Variants in ASPM observed in about 807,000 individuals in gnomAD.
The protein encoded by ASPM is abnormal spindle-like microcephaly-associated protein.
ASPM carries 256 observed loss-of-function variants against 366.4 expected under a neutral mutation model. The ratio of observed to expected loss-of-function variants is 0.70; its 90% CI spans 0.63 to 0.77. ASPM has a LOEUF of 0.77. ASPM is among the 30% of genes least tolerant of loss of function. The pLI is 0.00. For synonymous variants in ASPM, 1,414 were observed against 1,342.9 expected, an observed-to-expected ratio of 1.05 and a Z score of -1.16; for missense variants, 4,146 against 4,090.4, an observed-to-expected ratio of 1.01 and a Z score of -0.37.
intron 6 of ASPM, among the ~76,000 whole-genome samples, 155 bp from the exon 7 acceptor site, chr1:197,132,507 T>C (rs886975978): frequency 6.6e-6 from 1 of 152,086 alleles, no homozygotes; most frequent in African/African-American, 2.4e-5. Context: ...TAAATATACA[T>C]GATCATATTC....
intron 18 of ASPM, among the ~76,000 whole-genome samples, chr1:197,098,724 T>C (rs1657061458): frequency 6.6e-6 from 1 of 151,730 alleles, no homozygotes; most frequent in Non-Finnish European, 1.5e-5. Flanking sequence ...TGAATTTTGA[T>C]GTTCTTCAGG....
chr1:197,088,095 C>G, intron 26 of ASPM, 161 bp downstream of exon 26: 1 of 693,944 alleles, frequency 1.4e-6, no homozygotes. Context: ...AGAAACAACT[C>G]ATAGATACAT....
In ASPM at chr1:197,104,755, C is replaced by T. The variant is rs140119882; in HGVS notation, c.4496G>A (p.Arg1499Gln). The T allele has an allele frequency of 1.3e-5, 21 of 1,600,178 alleles. No homozygotes were observed. The African/African-American group carries it at 1.4e-4, about 10-fold the overall frequency. The change falls in exon 18 of 28, where the codon CGG becomes CAG. Residue 1499 changes from arginine to glutamine, a missense_variant. Arg to Gln is a conservative substitution (Grantham distance 43). This residue lies in a region of ASPM where 3,624 missense variants were observed against 3,591.7 expected (regional missense o/e 1.01). Coordinates refer to ENST00000367409, the MANE Select transcript of ASPM (RefSeq NM_018136.5). ...SCVVIIQKRF[R>Q]CFQAQKLYKR... is the part of the protein sequence containing the mutation. ...ATATAACTTTTGGGCTTGAAAGCAC[C>T]GAAATCTTTTCTGAATGATAACAAC...
Position 197,104,903 on chromosome 1 carries a change from G to T in ASPM, c.4348C>A (p.Gln1450Lys). ...QSQVKATVIL[Q>K]RAFREWHLRK... ...AAATGCCATTCTCTAAAAGCTCTTT[G>T]CAATATTACTGTAGCTTTTACTTGT... Residue 1450 changes from glutamine (Q) to lysine (K), a missense_variant, in exon 18 of 28, where the codon CAA becomes AAA. This residue lies in a region of ASPM where 3,624 missense variants were observed against 3,591.7 expected (regional missense o/e 1.01). Transcript: ENST00000367409. 1 of 1,610,702 alleles carries T rather than the reference G, an allele frequency of 6.2e-7. No homozygotes were observed. Among genetic ancestry groups the T allele is most frequent in the East Asian group, 2.2e-5 (1 of 44,740 alleles).
chr1:197,142,039 T>C (rs1309677781), intron 3 of ASPM, among the ~76,000 whole-genome samples: 1 of 152,158 alleles, frequency 6.6e-6, no homozygotes, highest in Non-Finnish European at 1.5e-5. Context: ...CACTTATCCA[T>C]TCATTCAATT....
At chr1:197,085,590 C>A (rs181289550) in intron 27 of ASPM, among the ~76,000 whole-genome samples, 1 of 152,174 alleles carries the variant, frequency 6.6e-6, no homozygotes, top group Admixed American at 6.5e-5. Context: ...AAATTCAAAT[C>A]CATGCATAAA....
In ASPM at chr1:197,142,500, TGCATCTTCCATGCTTCCATC is replaced by T; in HGVS notation, c.1732_1751del (p.Asp578LysfsTer26). ...GTTCTGTAATTGCAACTCTCACATT[TGCATCTTCCATGCTTCCATC>T]GCTCTTTCTTTTCCGAGCAACTGAA... On this transcript the variant is annotated frameshift_variant, in exon 3 of 28. Coordinates refer to ENST00000367409, the MANE Select transcript of ASPM (RefSeq NM_018136.5). LOFTEE classifies it high-confidence loss of function. The T allele has an allele frequency of 6.2e-7, 1 of 1,614,066 alleles. No homozygotes were observed. Among genetic ancestry groups the T allele is most frequent in the Non-Finnish European group, 8.5e-7 (1 of 1,179,900 alleles).
chr1:197,139,830 TTTTG>T lies in ASPM; in HGVS notation c.1959_1962del (p.Asn653LysfsTer14), dbSNP rs199422147. On this transcript the variant is annotated frameshift_variant, in exon 4 of 28. Coordinates refer to ENST00000367409, the MANE Select transcript of ASPM (RefSeq NM_018136.5). LOFTEE classifies it high-confidence loss of function. Reference sequence around the variant, plus strand: ...GCCACAGCGATAATGGGTTTTGTCCTTTTGTTTGTTTTAGAAATTGGAGTTCTGA... The same window carrying T: ...GCCACAGCGATAATGGGTTTTGTCCTTTTGTTTTAGAAATTGGAGTTCTGA... 3 of 1,611,822 alleles carry T rather than the reference TTTTG, an allele frequency of 1.9e-6. No individual in the cohort carries two copies. The highest frequency in any genetic ancestry group is 1.3e-5 in the African/African-American group (1 of 74,876).
intron 18 of ASPM, among the ~76,000 whole-genome samples, chr1:197,099,188 C>A (rs1344162258): frequency 6.6e-6 from 1 of 151,320 alleles, no homozygotes; most frequent in Non-Finnish European, 1.5e-5. Flanking sequence ...TAGTCTTGCT[C>A]CTTTTCCAGT....
In ASPM at chr1:197,084,177, A is replaced by C; in HGVS notation, c.*147T>G. 1.6e-6 allele frequency: 1 copy of C among 634,906 alleles called. No homozygotes were observed. The highest frequency in any genetic ancestry group is 2.7e-5 in the East Asian group (1 of 36,458). 39.3% of individuals were successfully genotyped at this position (634,906 alleles called of 1,614,324 possible). A position where few individuals can be genotyped will look rare whatever the true frequency, so the allele number is the denominator to read the frequency against. On this transcript the variant is annotated 3_prime_UTR_variant, in exon 28 of 28. Coordinates refer to ENST00000367409, the MANE Select transcript of ASPM (RefSeq NM_018136.5). ...ACATGCATAAAACTATAAATGATAA[A>C]AATGAAGAATGTAATGAACAGTTTA...
chr1:197,105,177 C>T lies in ASPM; in HGVS notation c.4074G>A (p.Trp1358Ter), dbSNP rs199422162. 3 of 1,603,180 alleles carry T rather than the reference C, an allele frequency of 1.9e-6. No individual in the cohort carries two copies. Among genetic ancestry groups the T allele is most frequent in the Non-Finnish European group, 2.6e-6 (3 of 1,171,390 alleles). The stretch of plus-strand genomic sequence containing the variant: ...ATCTTTGTCTAGTGGAATATCTTCT[C>T]CAATATCCCTGGAAAAGGTAAGAAA... The part of the protein sequence containing the change: ...NKAASLIQGY[W>*]RRYSTRQRFL... The change falls in exon 18 of 28, where the codon TGG becomes TGA. Residue 1358 changes from tryptophan to a stop codon, truncating the protein, a stop_gained. Coordinates refer to ENST00000367409, the MANE Select transcript of ASPM (RefSeq NM_018136.5). LOFTEE classifies it high-confidence loss of function.
rs143911853 is a variant in ASPM at position 197,104,114 on chromosome 1, G to T, written c.5137C>A (p.Arg1713Ser). 2 of 1,612,882 alleles carry T rather than the reference G, an allele frequency of 1.2e-6. No homozygotes were observed. Among genetic ancestry groups the T allele is most frequent in the African/African-American group, 1.3e-5 (1 of 74,920 alleles). Reference sequence around the variant, plus strand: ...TTTTGTGCAGCTATTTTTTTGGAACGGTAACATTGCTGGATAAATAGTGCA... The same window carrying T: ...TTTTGTGCAGCTATTTTTTTGGAACTGTAACATTGCTGGATAAATAGTGCA... ...AAALFIQQCY[R>S]SKKIAAQKRE... Residue 1713 changes from arginine (R) to serine (S), a missense_variant, in exon 18 of 28, where the codon CGT becomes AGT. Transcript: ENST00000367409.
In ASPM at chr1:197,104,529, T is replaced by A; in HGVS notation, c.4722A>T (p.Gln1574His). 6.2e-7 allele frequency: 1 copy of A among 1,612,764 alleles called. No homozygotes were observed. Among genetic ancestry groups the A allele is most frequent in the Non-Finnish European group, 8.5e-7 (1 of 1,179,390 alleles). ...TAAGGTTTAAAAATCGAACTCTGTC[T>A]TGTCTCATTCTCCAGTATGACTGAA... is the stretch of plus-strand genomic sequence containing the variant. Reference protein sequence around the residue: ...CVIQSYWRMRQDRVRFLNLKK... With the variant: ...CVIQSYWRMRHDRVRFLNLKK... Residue 1574 changes from glutamine to histidine, a missense_variant, in exon 18 of 28, where the codon CAA becomes CAT. Physicochemically the swap from Gln to His is conservative, Grantham distance 24. Coordinates refer to ENST00000367409, the MANE Select transcript of ASPM (RefSeq NM_018136.5).
chr1:197,093,562 A>G (rs1237007697), intron 20 of ASPM, among the ~76,000 whole-genome samples: 1 of 151,878 alleles, frequency 6.6e-6, no homozygotes, highest in Non-Finnish European at 1.5e-5. Context: ...GGACAAATAC[A>G]TTTAATAAAA....
rs587783209 is a variant in ASPM at position 197,088,308 on chromosome 1, G to C, written c.10109C>G (p.Thr3370Arg). 2.5e-6 allele frequency: 4 copies of C among 1,613,320 alleles called. No homozygotes were observed. The East Asian group carries it at 8.9e-5, about 36-fold the overall frequency. ...KVADKGGSIFTKTCCLLAILL... is the reference protein window; with the variant it reads ...KVADKGGSIFRKTCCLLAILL... ...AATAGCCAACAAACAACAAGTTTTT[G>C]TAAAAATGCTTCCGCCTTTGTCTGC... The change falls in exon 26 of 28, where the codon ACA (threonine) becomes AGA (arginine). Residue 3370 changes from threonine (T) to arginine (R), a missense_variant. Around this residue, in one of 3 missense-constraint regions of ASPM, gnomAD observed 3,624 missense variants for 3,591.7 expected, o/e 1.01. Transcript: ENST00000367409.
At position 197,125,175 on chromosome 1, in the gene ASPM, G is replaced by A. The variant is rs775416832; in HGVS notation, c.2953C>T (p.Leu985Phe). 1 of 1,614,018 alleles carries A rather than the reference G, an allele frequency of 6.2e-7. No individual in the cohort carries two copies. The highest frequency in any genetic ancestry group is 1.7e-5 in the Admixed American group (1 of 60,018). Reference protein sequence around the residue: ...GVRLVRTMELLTQNWDLSKKL... With the variant: ...GVRLVRTMELFTQNWDLSKKL... ...TTTGAGAGGTCCCAGTTCTGTGTGA[G>A]AAGTTCCATGGTTCGCCTGGCAGTA... is the stretch of plus-strand genomic sequence containing the variant. The change falls in exon 11 of 28, where the codon CTC becomes TTC. Residue 985 changes from leucine (L) to phenylalanine (F), a missense_variant. This residue lies in a region of ASPM where 3,624 missense variants were observed against 3,591.7 expected (regional missense o/e 1.01). Transcript: ENST00000367409.
At chr1:197,133,084 T>A (rs1025984809) in intron 6 of ASPM, among the ~76,000 whole-genome samples, 1 of 152,190 alleles carries the variant, frequency 6.6e-6, no homozygotes, top group Non-Finnish European at 1.5e-5. Context: ...AACAGTGACT[T>A]GTATACTTGA....
chr1:197,097,082 TG>T (rs34501850), intron 18 of ASPM, among the ~76,000 whole-genome samples: 1 of 151,634 alleles, frequency 6.6e-6, no homozygotes, highest in East Asian at 1.9e-4. Flanking sequence ...CAATTCCCCT[TG>T]GGAAGAGAAA....
At position 197,102,395 on chromosome 1, in the gene ASPM, TGAGAGAGAG is replaced by T; in HGVS notation, c.6847_6855del (p.Leu2283_Leu2285del). On this transcript the variant is annotated inframe_deletion, in exon 18 of 28. Coordinates refer to ENST00000367409, the MANE Select transcript of ASPM (RefSeq NM_018136.5). Reference sequence around the variant, plus strand: ...CTCTGAATCAAAATAGCAGTTTTCTTGAGAGAGAGGAATCTTCTTCTCATCATTAGAGTT... The same window carrying T: ...CTCTGAATCAAAATAGCAGTTTTCTTGAATCTTCTTCTCATCATTAGAGTT... 6.2e-7 allele frequency: 1 copy of T among 1,612,772 alleles called. No homozygotes were observed. Among genetic ancestry groups the T allele is most frequent in the Non-Finnish European group, 8.5e-7 (1 of 1,179,266 alleles).
Sources: allele counts gnomAD v4.1 joint callset (sites outside exome capture counted in the v4.1 genomes callset), GRCh38; gene constraint gnomAD v4.1.1; regional missense constraint gnomAD v4.1.1; transcripts MANE v1.5; gene names NCBI Gene and HGNC (gene_info 2026-07-23, HGNC 2026-07-21).